The following POLR1D variants were observed in gnomAD, a reference collection of about 807,000 sequenced individuals.
The protein encoded by POLR1D is RNA polymerase I and III subunit D.
POLR1D carries 8 observed loss-of-function variants against 10.8 expected under a neutral mutation model. That is an observed-to-expected ratio of 0.74 (90% CI 0.43 to 1.33). The LOEUF is 1.33. Ranked by LOEUF, POLR1D falls within the 40% of genes most tolerant of loss-of-function variation. POLR1D has a pLI of 0.01. For missense variants in POLR1D, 152 were observed against 161.7 expected (o/e 0.94, Z 0.32); for synonymous variants, 54 against 57.2 (o/e 0.94, Z 0.25).
At chr13:27,665,738 A>G in exon 3 of POLR1D, 1 of 1,613,658 alleles carries the variant, frequency 6.2e-7, no homozygotes, top group Non-Finnish European at 8.5e-7. Context: ...TAACACAATT[A>G]AAAACACATT....
exon 3 of POLR1D, chr13:27,667,194 A>G (rs938265620): frequency 1.3e-5 from 2 of 152,190 alleles, no homozygotes; most frequent in African/African-American, 4.8e-5. Context: ...CCCAGATCCC[A>G]GGGACTCATC....
intron 2 of POLR1D, among the ~76,000 whole-genome samples, chr13:27,662,054 CT>C (rs1566154056): frequency 6.6e-6 from 1 of 152,072 alleles, no homozygotes; most frequent in African/African-American, 2.4e-5. Context: ...TGTAAAATGT[CT>C]CATTAACTTT....
intron 2 of POLR1D, among the ~76,000 whole-genome samples, chr13:27,657,369 A>T (rs1956318063): frequency 6.6e-6 from 1 of 151,932 alleles, no homozygotes; most frequent in Non-Finnish European, 1.5e-5. Flanking sequence ...ATCTCTACTA[A>T]AATACAAAAA....
rs1447410709 is a variant in POLR1D at position 27,638,622 on chromosome 13, T to TAAC, written c.27-9757_27-9756insAAC. Among the ~76,000 whole-genome samples, 7 of 152,294 alleles carry TAAC rather than the reference T, an allele frequency of 4.6e-5. No individual in the cohort carries two copies. In the East Asian group the frequency reaches 1.4e-3, roughly 29 times the overall value. On this transcript the variant is annotated intron_variant, in intron 1 of 2. Coordinates refer to the POLR1D transcript ENST00000399697. Reference sequence around the variant, plus strand: ...CTGAAATCTACAAGGGGTGGACAGCTTGTTTTCTAGCAGATTACTGTAGCC... The same window carrying TAAC: ...CTGAAATCTACAAGGGGTGGACAGCTAACTGTTTTCTAGCAGATTACTGTAGCC...
intron 2 of POLR1D, among the ~76,000 whole-genome samples, chr13:27,654,471 A>G (rs1442241931): frequency 9.9e-5 from 15 of 152,230 alleles, no homozygotes. Context: ...TCAAGTTCAC[A>G]GTTTGCCAAA....
intron 1 of POLR1D, among the ~76,000 whole-genome samples, chr13:27,638,443 T>TACACATA (rs1956146089): frequency 6.6e-6 from 1 of 152,258 alleles, no homozygotes; most frequent in Non-Finnish European, 1.5e-5. Flanking sequence ...CTAATTTCTA[T>TACACATA]GTGTATTTTT....
downstream of POLR1D, among the ~76,000 whole-genome samples, chr13:27,627,096 T>C (rs905123880): frequency 3.3e-5 from 5 of 152,196 alleles, no homozygotes; most frequent in African/African-American, 1.2e-4. Context: ...GTTAGCGTAA[T>C]TTAGAGTCAT....
chr13:27,640,298 G>A (rs1956162355), intron 1 of POLR1D, among the ~76,000 whole-genome samples: 1 of 152,008 alleles, frequency 6.6e-6, no homozygotes, highest in South Asian at 2.1e-4. Flanking sequence ...TCATAACCCA[G>A]GAAACACCCT....
rs531811757 is a variant in POLR1D, at chr13:27,644,951, A to G, written c.27-3428A>G. 2.6e-5 allele frequency among the ~76,000 whole-genome samples: 4 copies of G among 152,344 alleles called. No homozygotes were observed. In the South Asian group the frequency reaches 8.3e-4, roughly 32 times the overall value. On this transcript the variant is annotated intron_variant, in intron 1 of 2. Transcript: ENST00000399697. ...TTCCTTACCCAATAATTCATTAATGAGATTTCTAGAGGAAACAACAGAGGC... is the reference window on the plus strand; with the variant it reads ...TTCCTTACCCAATAATTCATTAATGGGATTTCTAGAGGAAACAACAGAGGC...
At chr13:27,633,747 GT>G in intron 1 of POLR1D, among the ~76,000 whole-genome samples, 1 of 152,198 alleles carries the variant, frequency 6.6e-6, no homozygotes, top group East Asian at 1.9e-4. Flanking sequence ...CAGATTTCAA[GT>G]GAAGGATCAC....
At chr13:27,624,656 G>A (rs536269657), downstream of POLR1D, among the ~76,000 whole-genome samples, 3 of 152,136 alleles carry the variant, frequency 2.0e-5, no homozygotes, top group African/African-American at 7.2e-5. Flanking sequence ...GGAAGCCAAG[G>A]TGGGAGGATC....
chr13:27,622,752 T>A (rs970318386), intron 1 of POLR1D, 123 bp from the exon 2 acceptor site: 22 of 666,630 alleles, frequency 3.3e-5, no homozygotes, highest in Non-Finnish European at 5.6e-5. Context: ...GAGAGGCGAA[T>A]AATTCTGTGT....
At chr13:27,620,799 C>T (rs532090062), upstream of POLR1D, 5 of 153,748 alleles carry the variant, frequency 3.3e-5, no homozygotes, top group South Asian at 7.4e-4. Flanking sequence ...CGCCGCCCGC[C>T]TGATTCCCCT....
intron 1 of POLR1D, among the ~76,000 whole-genome samples, chr13:27,640,142 T>C (rs948168709): frequency 6.6e-5 from 10 of 152,188 alleles, no homozygotes; most frequent in Non-Finnish European, 1.0e-4. Flanking sequence ...ATTATAATTT[T>C]TCATCATGTC....
intron 2 of POLR1D, among the ~76,000 whole-genome samples, chr13:27,658,834 C>G (rs1225395159): frequency 6.6e-6 from 1 of 152,182 alleles, no homozygotes; most frequent in African/African-American, 2.4e-5. Flanking sequence ...GCTTCATTGT[C>G]TACAAAGCTG....
At chr13:27,648,122 A>T (rs1956236403) in intron 1 of POLR1D, 1 of 343,838 alleles carries the variant, frequency 2.9e-6, no homozygotes, top group Non-Finnish European at 5.5e-6. Flanking sequence ...TATATTAAGG[A>T]TATATGATTT....
At chr13:27,638,777 G>T (rs1956149676) in intron 1 of POLR1D, among the ~76,000 whole-genome samples, 1 of 152,104 alleles carries the variant, frequency 6.6e-6, no homozygotes, top group Non-Finnish European at 1.5e-5. Flanking sequence ...CAGATGATTT[G>T]TATAACATAA....
intron 2 of POLR1D, among the ~76,000 whole-genome samples, chr13:27,658,334 C>T (rs941257645): frequency 1.3e-5 from 2 of 152,250 alleles, no homozygotes; most frequent in African/African-American, 2.4e-5. Flanking sequence ...GCAGACAGCT[C>T]CTCTGCACTG....
At chr13:27,636,116 A>G (rs1593283011) in intron 1 of POLR1D, among the ~76,000 whole-genome samples, 1 of 152,212 alleles carries the variant, frequency 6.6e-6, no homozygotes, top group Non-Finnish European at 1.5e-5. Context: ...GACACATCAC[A>G]TAGCATTGGG....
Sources: gnomAD v4.1 joint callset for allele counts (sites outside exome capture counted in the v4.1 genomes callset) on GRCh38, gnomAD v4.1.1 for gene constraint, MANE v1.5 for transcripts, NCBI Gene and HGNC (gene_info 2026-07-23, HGNC 2026-07-21) for gene names.